KIF16B: variants seen among roughly 807,000 people sequenced by gnomAD.
KIF16B encodes the protein kinesin family member 16B.
In KIF16B, 98 loss-of-function variants were observed where a neutral mutation model predicts 156.3. The ratio of observed to expected loss-of-function variants is 0.63; its 90% CI spans 0.53 to 0.74. The LOEUF (loss-of-function observed/expected upper bound fraction) is 0.74. Ranked by LOEUF, KIF16B falls within the 30% of genes least tolerant of loss-of-function variation. KIF16B has a pLI of 0.00. For missense variants in KIF16B, 1,421 were observed against 1,606.5 expected (o/e 0.88, Z 1.97); for synonymous variants, 564 against 583.7 (o/e 0.97, Z 0.49).
At chr20:16,280,009 A>G (rs1471163267) in intron 25 of KIF16B, among the ~76,000 whole-genome samples, 1 of 152,212 alleles carries the variant, frequency 6.6e-6, no homozygotes, top group Non-Finnish European at 1.5e-5. Context: ...TTGCTGCTAC[A>G]TGCTATTCCA....
Position 16,356,343 on chromosome 20 carries a change from T to C in KIF16B, c.3608A>G (p.Glu1203Gly), listed in dbSNP as rs1474815535. Residue 1203 changes from glutamate (E) to glycine (G), a missense_variant, in exon 23 of 26, where the codon GAG (glutamate) becomes GGG (glycine). By Grantham distance (98) the Glu-to-Gly change is moderately conservative. Transcript: ENST00000354981. ...LCGQGKDAHF[E>G]FEVKITVLDE... ...GAAGACACTCACCTTGACCTCAAAC[T>C]CGAAGTGTGCATCCTTTCCTTGCCC... 1 of 1,614,146 alleles carries C rather than the reference T, an allele frequency of 6.2e-7. No homozygotes were observed. Among genetic ancestry groups the C allele is most frequent in the African/African-American group, 1.3e-5 (1 of 75,064 alleles).
Position 16,318,608 on chromosome 20 carries a change from C to T in KIF16B, c.3712-6190G>A, listed in dbSNP as rs114954686. Among the ~76,000 whole-genome samples, 114 of 151,790 alleles carry T rather than the reference C, an allele frequency of 7.5e-4. 1 individual carries two copies. The highest frequency in any genetic ancestry group is 1.4e-3 in the Non-Finnish European group (95 of 67,924). On this transcript the variant is annotated intron_variant, in intron 24 of 25. Transcript: ENST00000354981. Reference sequence around the variant, plus strand: ...GAGCTCCCAGTGGCCAAAGCTGAGACAATTTGAAAAAGAAAATTAAAAAGT... The same window carrying T: ...GAGCTCCCAGTGGCCAAAGCTGAGATAATTTGAAAAAGAAAATTAAAAAGT...
At chr20:16,381,143 C>T (rs546000961) in intron 18 of KIF16B, among the ~76,000 whole-genome samples, 2 of 152,258 alleles carry the variant, frequency 1.3e-5, no homozygotes, top group East Asian at 1.9e-4. Flanking sequence ...AGAATTATTT[C>T]AGAACATATA....
At chr20:16,539,509 G>C (rs570120955) in intron 1 of KIF16B, among the ~76,000 whole-genome samples, 3 of 152,264 alleles carry the variant, frequency 2.0e-5, no homozygotes, top group East Asian at 1.9e-4. Flanking sequence ...TAAGCAGTGA[G>C]TAACTTCTCG....
At chr20:16,420,840 A>G (rs1258871423) in intron 15 of KIF16B, among the ~76,000 whole-genome samples, 1 of 152,146 alleles carries the variant, frequency 6.6e-6, no homozygotes, top group Non-Finnish European at 1.5e-5. Flanking sequence ...GGATGAGGAC[A>G]GTAAATGTGG....
At chr20:16,284,659 T>G (rs929409185) in intron 25 of KIF16B, among the ~76,000 whole-genome samples, 7 of 152,040 alleles carry the variant, frequency 4.6e-5, no homozygotes, top group Non-Finnish European at 7.4e-5. Context: ...TCACAGTTCC[T>G]CACGAGCTCA....
intron 12 of KIF16B, among the ~76,000 whole-genome samples, chr20:16,442,909 G>C (rs2066841217): frequency 6.6e-6 from 1 of 152,200 alleles, no homozygotes; most frequent in Non-Finnish European, 1.5e-5. Context: ...ATTCCCTTCT[G>C]AAAGACGTAC....
intron 17 of KIF16B, among the ~76,000 whole-genome samples, chr20:16,399,995 G>C (rs565685219): frequency 1.3e-5 from 2 of 152,262 alleles, no homozygotes; most frequent in South Asian, 4.1e-4. Context: ...GCCAATTTCT[G>C]AGAGGTCAGA....
chr20:16,502,266 C>T (rs1176946367), intron 10 of KIF16B, among the ~76,000 whole-genome samples: 4 of 151,994 alleles, frequency 2.6e-5, no homozygotes, highest in Admixed American at 1.3e-4. Context: ...CACAGCAGTA[C>T]CTGGTATAGA....
rs2065034635 is a variant in KIF16B at position 16,379,448 on chromosome 20, T to C, written c.2554A>G (p.Lys852Glu). The change falls in exon 19 of 26, where the codon AAA (lysine) becomes GAA (glutamate). Residue 852 changes from lysine (K) to glutamate (E), a missense_variant. Physicochemically the swap from Lys to Glu is moderately conservative, Grantham distance 56. Coordinates refer to ENST00000354981, the MANE Select transcript of KIF16B (RefSeq NM_024704.5). ...DLVQQKDILK[K>E]EVQEEQEILE... ...ATCTCCTGTTCTTCTTGGACTTCTT[T>C]TTTCAGGATGTCTTTCTGCTGAACC... 6.2e-6 allele frequency: 10 copies of C among 1,613,638 alleles called. No homozygotes were observed. The highest frequency in any genetic ancestry group is 8.5e-6 in the Non-Finnish European group (10 of 1,179,964).
At chr20:16,557,238 T>C (rs2070885689) in intron 1 of KIF16B, among the ~76,000 whole-genome samples, 2 of 152,006 alleles carry the variant, frequency 1.3e-5, no homozygotes, top group South Asian at 2.1e-4. Context: ...TGGAGTGCAG[T>C]GGCGCAATCT....
At chr20:16,373,379 C>G (rs1438465859) in intron 20 of KIF16B, among the ~76,000 whole-genome samples, 1 of 152,140 alleles carries the variant, frequency 6.6e-6, no homozygotes, top group African/African-American at 2.4e-5. Flanking sequence ...CAAGACTGTC[C>G]GATTTCAAAT....
Position 16,379,471 on chromosome 20 carries a change from A to C in KIF16B, c.2531T>G (p.Val844Gly), listed in dbSNP as rs762375017. The part of the protein sequence containing the change: ...VKLVNLEKDL[V>G]QQKDILKKEV... ...TTTTTTCAGGATGTCTTTCTGCTGAACCAGGTCCTTCTCCAAGTTCACTAG... is the reference window on the plus strand; with the variant it reads ...TTTTTTCAGGATGTCTTTCTGCTGACCCAGGTCCTTCTCCAAGTTCACTAG... Residue 844 changes from valine (V) to glycine (G), a missense_variant, in exon 19 of 26, where the codon GTT (valine) becomes GGT (glycine). Coordinates refer to ENST00000354981, the MANE Select transcript of KIF16B (RefSeq NM_024704.5). The C allele has an allele frequency of 1.2e-6, 2 of 1,614,032 alleles. No individual in the cohort carries two copies. The highest frequency in any genetic ancestry group is 1.7e-5 in the Admixed American group (1 of 60,018).
At position 16,379,096 on chromosome 20, in the gene KIF16B, A is replaced by G. The variant is rs1255470139; in HGVS notation, c.2906T>C (p.Leu969Pro). 6.2e-7 allele frequency: 1 copy of G among 1,612,228 alleles called. No homozygotes were observed. The highest frequency in any genetic ancestry group is 8.5e-7 in the Non-Finnish European group (1 of 1,179,018). The change falls in exon 19 of 26, where the codon CTC (leucine) becomes CCC (proline). Residue 969 changes from leucine (L) to proline (P), a missense_variant. Physicochemically the swap from Leu to Pro is moderately conservative, Grantham distance 98. Coordinates refer to ENST00000354981, the MANE Select transcript of KIF16B (RefSeq NM_024704.5). ...GGCAGTGAATTCAAAGGTGGCTTGGAGCTTTTGCAGCTGGTTTGCATTGGC... is the reference window on the plus strand; with the variant it reads ...GGCAGTGAATTCAAAGGTGGCTTGGGGCTTTTGCAGCTGGTTTGCATTGGC... The part of the protein sequence containing the change: ...YQANANQLQK[L>P]QATFEFTANI...
chr20:16,435,040 G>T (rs1327587762), intron 12 of KIF16B, among the ~76,000 whole-genome samples: 3 of 152,056 alleles, frequency 2.0e-5, no homozygotes, highest in Non-Finnish European at 4.4e-5. Flanking sequence ...ACTTAAAAAA[G>T]TTGTATGTGA....
chr20:16,480,677 T>C (rs2067955622), intron 12 of KIF16B, among the ~76,000 whole-genome samples: 1 of 152,212 alleles, frequency 6.6e-6, no homozygotes. Flanking sequence ...GCTAGGAAGC[T>C]GGCAATGTCT....
In KIF16B at chr20:16,573,380, C is replaced by T. The variant is rs963868709; in HGVS notation, c.-105G>A. 8.0e-7 allele frequency: 1 copy of T among 1,257,430 alleles called. No individual in the cohort carries two copies. The allele number at this position is 1,257,430 out of a possible 1,614,324, so 77.9% of individuals were successfully genotyped here. Reference sequence around the variant, plus strand: ...GCGGCTCCCGCCCACTTCCCTCTCGCCCCCGCCCCTCTGCTCCCGGCCGGA... The same window carrying T: ...GCGGCTCCCGCCCACTTCCCTCTCGTCCCCGCCCCTCTGCTCCCGGCCGGA... On this transcript the variant is annotated 5_prime_UTR_variant, in exon 1 of 26. Transcript: ENST00000354981.
chr20:16,275,247 G>C (rs895039820), intron 25 of KIF16B, among the ~76,000 whole-genome samples: 4 of 151,908 alleles, frequency 2.6e-5, no homozygotes, highest in Non-Finnish European at 4.4e-5. Flanking sequence ...GTAGAGACGG[G>C]GTTTCACCAT....
chr20:16,383,242 C>T (rs2065147802), intron 17 of KIF16B, among the ~76,000 whole-genome samples: 1 of 152,130 alleles, frequency 6.6e-6, no homozygotes, highest in South Asian at 2.1e-4. Flanking sequence ...CTAAAGGTGG[C>T]AAACAGTATC....
Sources: gnomAD v4.1 joint callset for allele counts (sites outside exome capture counted in the v4.1 genomes callset) on GRCh38, gnomAD v4.1.1 for gene constraint, MANE v1.5 for transcripts, NCBI Gene and HGNC (gene_info 2026-07-23, HGNC 2026-07-21) for gene names.